MATR3: variants seen among roughly 807,000 people sequenced by gnomAD.
The protein encoded by MATR3 is matrin-3.
MATR3 carries 4 observed loss-of-function variants against 85.5 expected under a neutral mutation model. The observed-to-expected ratio is 0.05, with a 90% CI of 0.02 to 0.11. The LOEUF (loss-of-function observed/expected upper bound fraction) is 0.11, where lower values mean the gene tolerates loss of function less well. Among genes scored for constraint, MATR3 ranks in the 10% least tolerant of loss-of-function variants. The probability of loss-of-function intolerance (pLI) is 1.00; values close to 1 mark genes in which losing one functional copy is unlikely to be tolerated. For synonymous variants in MATR3, 336 were observed against 343.1 expected, an observed-to-expected ratio of 0.98 and a Z score of 0.23; for missense variants, 685 against 1,016.1, an observed-to-expected ratio of 0.67 and a Z score of 4.43.
chr5:139,326,822 A>G (rs769564376), intron 14 of MATR3, among the ~76,000 whole-genome samples: 1 of 152,224 alleles, frequency 6.6e-6, no homozygotes, highest in East Asian at 1.9e-4. Flanking sequence ...TAACCATATT[A>G]TAAATTCTGT....
At position 139,330,493 on chromosome 5, in the gene MATR3, A is replaced by G. The variant is rs1450525089; in HGVS notation, c.*1098A>G. On this transcript the variant is annotated 3_prime_UTR_variant, in exon 15 of 15. Coordinates refer to ENST00000394805, the MANE Select transcript of MATR3 (RefSeq NM_018834.6). ...CGCTCTTAAACTTTGTGCATGCTTTAACAATTTATTACTTTTAAATCTAGA... is the reference window on the plus strand; with the variant it reads ...CGCTCTTAAACTTTGTGCATGCTTTGACAATTTATTACTTTTAAATCTAGA... 6.6e-6 allele frequency: 3 copies of G among 454,114 alleles called. No homozygotes were observed. 28.1% of individuals were successfully genotyped at this position (454,114 alleles called of 1,614,324 possible). A position where few individuals can be genotyped will look rare whatever the true frequency, so the allele number is the denominator to read the frequency against.
chr5:139,331,314 G>C lies in MATR3; in HGVS notation c.*1919G>C. ...TAGCCTTTACTAATTACCCACTTCT[G>C]TTTAATTCCAATTTTTAACAGCAGG... On this transcript the variant is annotated 3_prime_UTR_variant, in exon 15 of 15. Coordinates refer to ENST00000394805, the MANE Select transcript of MATR3 (RefSeq NM_018834.6). 2.2e-6 allele frequency: 1 copy of C among 454,102 alleles called. No individual in the cohort carries two copies. The highest frequency in any genetic ancestry group is 4.4e-6 in the Non-Finnish European group (1 of 226,794). 28.1% of individuals were successfully genotyped at this position (454,102 alleles called of 1,614,324 possible). A position where few individuals can be genotyped will look rare whatever the true frequency, so the allele number is the denominator to read the frequency against.
intron 3 of MATR3, among the ~76,000 whole-genome samples, chr5:139,284,896 A>G (rs1313944738): frequency 6.6e-6 from 1 of 152,174 alleles, no homozygotes; most frequent in Non-Finnish European, 1.5e-5. Flanking sequence ...AAATCTTTGA[A>G]TCTATGATTT....
chr5:139,299,393 G>T (rs1434480666), intron 1 of MATR3, among the ~76,000 whole-genome samples: 1 of 152,196 alleles, frequency 6.6e-6, no homozygotes, highest in Non-Finnish European at 1.5e-5. Flanking sequence ...TATATGTGAG[G>T]CAGGGCACAG....
At chr5:139,315,969 G>C in intron 4 of MATR3, 107 bp from the exon 5 acceptor site, 1 of 894,746 alleles carries the variant, frequency 1.1e-6, no homozygotes, top group South Asian at 1.3e-5. Flanking sequence ...TACTCTGAAA[G>C]ATTGAAGTGG....
At chr5:139,310,037 A>G (rs761911132) in intron 2 of MATR3, 1 of 152,218 alleles carries the variant, frequency 6.6e-6, no homozygotes, top group Non-Finnish European at 1.5e-5. Flanking sequence ...TTGGGACATC[A>G]TGAACACAAT....
At position 139,330,350 on chromosome 5, in the gene MATR3, T is replaced by C. The variant is rs1756078265; in HGVS notation, c.*955T>C. On this transcript the variant is annotated 3_prime_UTR_variant, in exon 15 of 15. Transcript: ENST00000394805. ...TAACTTTCTGGTTATATACTGCTTATATCTGTGGATTCAAGTTACTGAAGT... is the reference window on the plus strand; with the variant it reads ...TAACTTTCTGGTTATATACTGCTTACATCTGTGGATTCAAGTTACTGAAGT... The C allele has an allele frequency of 2.2e-6, 1 of 454,434 alleles. No individual in the cohort carries two copies. Among genetic ancestry groups the C allele is most frequent in the Non-Finnish European group, 4.4e-6 (1 of 226,798 alleles). 28.2% of individuals were successfully genotyped at this position (454,434 alleles called of 1,614,324 possible).
intron 3 of MATR3, among the ~76,000 whole-genome samples, chr5:139,281,374 GCT>G (rs1158915626): frequency 3.3e-5 from 1 of 30,444 alleles, no homozygotes; most frequent in African/African-American, 1.2e-4. Flanking sequence ...TTTTTTTTTT[GCT>G]CTGTTGCCCA....
At chr5:139,303,062 T>A (rs1754533423) in intron 1 of MATR3, among the ~76,000 whole-genome samples, 1 of 151,800 alleles carries the variant, frequency 6.6e-6, no homozygotes. Flanking sequence ...TTTTTTTTTT[T>A]AATTCTGACT....
chr5:139,315,780 A>G (rs1252372168), intron 4 of MATR3, 42 bp downstream of exon 4: 8 of 1,452,734 alleles, frequency 5.5e-6, no homozygotes, highest in Admixed American at 1.7e-5. Flanking sequence ...AAGGAGATCA[A>G]TGTAAGGAAT....
rs1024501877 is a variant in MATR3, at chr5:139,331,448, A to G, written c.*2053A>G. ...TTAGCAAGTTGAAGGAAAGAATGCTATGTTTTTAATACCTACATTTGAGAG... is the reference window on the plus strand; with the variant it reads ...TTAGCAAGTTGAAGGAAAGAATGCTGTGTTTTTAATACCTACATTTGAGAG... On this transcript the variant is annotated 3_prime_UTR_variant, in exon 15 of 15. Transcript: ENST00000394805. 6.6e-6 allele frequency: 3 copies of G among 453,708 alleles called. No individual in the cohort carries two copies. The highest frequency in any genetic ancestry group is 2.0e-5 in the African/African-American group (1 of 49,704). The allele number at this position is 453,708 out of a possible 1,614,324, so 28.1% of individuals were successfully genotyped here.
At chr5:139,323,358 C>T (rs1755677206) in intron 12 of MATR3, among the ~76,000 whole-genome samples, 1 of 152,048 alleles carries the variant, frequency 6.6e-6, no homozygotes, top group Admixed American at 6.5e-5. Flanking sequence ...TTTTGCCACT[C>T]ATTCAAAAAT....
intron 1 of MATR3, 36 bp downstream of exon 1, chr5:139,293,841 G>T: frequency 2.1e-6 from 1 of 479,850 alleles, no homozygotes; most frequent in Non-Finnish European, 3.3e-6. Flanking sequence ...GGGTCGGGTG[G>T]CTGGGGGTTC....
chr5:139,294,243 G>T, intron 1 of MATR3: 1 of 412,084 alleles, frequency 2.4e-6, no homozygotes, highest in South Asian at 1.2e-4. Context: ...GTACACTGGG[G>T]GCTTGCCGTT....
At chr5:139,293,917 C>T (rs995649413) in intron 1 of MATR3, 112 bp downstream of exon 1, 4 of 1,186,784 alleles carry the variant, frequency 3.4e-6, no homozygotes, top group Admixed American at 8.4e-5. Context: ...GCGCGCCTTT[C>T]TTGCTCGCTC....
At chr5:139,316,750 G>A (rs1371906724) in intron 5 of MATR3, among the ~76,000 whole-genome samples, 2 of 151,922 alleles carry the variant, frequency 1.3e-5, no homozygotes, top group East Asian at 1.9e-4. Flanking sequence ...GGGGTTTCGC[G>A]GTGTTGCCCA....
chr5:139,299,044 T>G (rs1299303568), intron 1 of MATR3, among the ~76,000 whole-genome samples: 3 of 152,202 alleles, frequency 2.0e-5, no homozygotes, highest in Non-Finnish European at 4.4e-5. Context: ...GGTACATACA[T>G]TAAGTAGTCA....
Position 139,330,763 on chromosome 5 carries a change from G to A in MATR3, c.*1368G>A. Reference sequence around the variant, plus strand: ...TGCAGCTTTTCAAAATAATTACGTAGAGACTCTTGGTATATTGGATTATCT... The same window carrying A: ...TGCAGCTTTTCAAAATAATTACGTAAAGACTCTTGGTATATTGGATTATCT... On this transcript the variant is annotated 3_prime_UTR_variant, in exon 15 of 15. Coordinates refer to ENST00000394805, the MANE Select transcript of MATR3 (RefSeq NM_018834.6). 1 of 454,086 alleles carries A rather than the reference G, an allele frequency of 2.2e-6. No individual in the cohort carries two copies. 28.1% of individuals were successfully genotyped at this position (454,086 alleles called of 1,614,324 possible). A position where few individuals can be genotyped will look rare whatever the true frequency, so the allele number is the denominator to read the frequency against.
chr5:139,319,232 C>T (rs1276678890), intron 8 of MATR3, 102 bp from the exon 9 acceptor site: 16 of 1,351,612 alleles, frequency 1.2e-5, no homozygotes, highest in African/African-American at 5.8e-5. Flanking sequence ...AGCAAGACCT[C>T]GTCTCTATAA....
Sources: allele counts gnomAD v4.1 joint callset (sites outside exome capture counted in the v4.1 genomes callset), GRCh38; gene constraint gnomAD v4.1.1; transcripts MANE v1.5; gene names NCBI Gene and HGNC (gene_info 2026-07-23, HGNC 2026-07-21).